The following CCDC85A variants were observed in gnomAD, a reference collection of about 807,000 sequenced individuals.
The protein encoded by CCDC85A is coiled-coil domain-containing protein 85A.
A neutral mutation model predicts 50.2 loss-of-function variants in CCDC85A; 38 were observed. That is an observed-to-expected ratio of 0.76 (90% CI 0.58 to 0.99). The LOEUF (loss-of-function observed/expected upper bound fraction) is 0.99, where lower values mean the gene tolerates loss of function less well. CCDC85A is among the 50% of genes least tolerant of loss of function. CCDC85A has a pLI of 0.00. For synonymous variants in CCDC85A, 366 were observed against 301.4 expected, an observed-to-expected ratio of 1.21 and a Z score of -2.22; for missense variants, 820 against 742.0, an observed-to-expected ratio of 1.11 and a Z score of -1.22.
chr2:56,302,495 A>G (rs1672256077), intron 2 of CCDC85A, among the ~76,000 whole-genome samples: 1 of 152,208 alleles, frequency 6.6e-6, no homozygotes, highest in African/African-American at 2.4e-5. Context: ...GTCACCTGAC[A>G]AAGACAGAAA....
chr2:56,250,792 A>G (rs2103991550), intron 2 of CCDC85A, among the ~76,000 whole-genome samples: 1 of 152,322 alleles, frequency 6.6e-6, no homozygotes, highest in Middle Eastern at 3.4e-3. Context: ...TCATTGCTAG[A>G]GTTGATCTAT....
At chr2:56,263,326 C>T (rs1670298263) in intron 2 of CCDC85A, among the ~76,000 whole-genome samples, 1 of 152,212 alleles carries the variant, frequency 6.6e-6, no homozygotes, top group African/African-American at 2.4e-5. Flanking sequence ...TTAAGAAATC[C>T]ATTCTTCTTT....
chr2:56,226,289 A>G lies in CCDC85A; in HGVS notation c.1240+32849A>G, dbSNP rs367814611. Reference sequence around the variant, plus strand: ...GGAGCATCACTCAATAATAGATGTTATGAGGGCAAGGACTGTATCTGTTTT... The same window carrying G: ...GGAGCATCACTCAATAATAGATGTTGTGAGGGCAAGGACTGTATCTGTTTT... On this transcript the variant is annotated intron_variant, in intron 2 of 5. Coordinates refer to ENST00000407595, the MANE Select transcript of CCDC85A (RefSeq NM_001080433.2). Among the ~76,000 whole-genome samples the G allele has an allele frequency of 1.5e-3, 233 of 152,318 alleles. 1 individual carries two copies. The highest frequency in any genetic ancestry group is 9.3e-3 in the South Asian group (45 of 4,826).
chr2:56,225,252 ATC>A (rs1456710931), intron 2 of CCDC85A, among the ~76,000 whole-genome samples: 1 of 152,080 alleles, frequency 6.6e-6, no homozygotes, highest in African/African-American at 2.4e-5. Context: ...GTGAAACCCC[ATC>A]TCTACTAAAA....
intron 3 of CCDC85A, among the ~76,000 whole-genome samples, chr2:56,364,315 A>G (rs1238586126): frequency 1.5e-5 from 2 of 133,848 alleles, no homozygotes; most frequent in Non-Finnish European, 3.4e-5. Flanking sequence ...TTCTGTAATT[A>G]TTACTTTTAT....
In CCDC85A at chr2:56,184,425, C is replaced by A. The variant is rs924309533; in HGVS notation, c.-200C>A. The A allele has an allele frequency of 1.8e-6, 1 of 560,144 alleles. No homozygotes were observed. Among genetic ancestry groups the A allele is most frequent in the African/African-American group, 2.0e-5 (1 of 50,590 alleles). 34.7% of individuals were successfully genotyped at this position (560,144 alleles called of 1,614,324 possible). On this transcript the variant is annotated 5_prime_UTR_variant, in exon 1 of 6. Transcript: ENST00000407595. ...GGCTGGCTGCCGGGCCCTGGGGGAG[C>A]GCGGGCGCGCGCGCGGGGATGGCGA...
At chr2:56,223,536 G>A (rs1054406120) in intron 2 of CCDC85A, among the ~76,000 whole-genome samples, 8 of 152,072 alleles carry the variant, frequency 5.3e-5, no homozygotes, top group African/African-American at 1.7e-4. Context: ...TAAAAATATA[G>A]ATTCGAATCA....
chr2:56,320,727 T>A (rs572527788), intron 2 of CCDC85A, among the ~76,000 whole-genome samples: 14 of 152,204 alleles, frequency 9.2e-5, no homozygotes, highest in East Asian at 3.9e-4. Context: ...AGGAGCTGGT[T>A]CCATTCCTTC....
At chr2:56,268,664 A>G (rs1670564126) in intron 2 of CCDC85A, among the ~76,000 whole-genome samples, 1 of 151,962 alleles carries the variant, frequency 6.6e-6, no homozygotes, top group South Asian at 2.1e-4. Context: ...ATCAGAAAAG[A>G]AATCACAAGA....
intron 2 of CCDC85A, among the ~76,000 whole-genome samples, chr2:56,306,138 C>T (rs1269834883): frequency 6.6e-6 from 1 of 151,656 alleles, no homozygotes; most frequent in Non-Finnish European, 1.5e-5. Flanking sequence ...GTATGAGATC[C>T]TTTTTTTTGA....
chr2:56,352,419 C>G (rs946554195), intron 3 of CCDC85A, among the ~76,000 whole-genome samples: 5 of 152,138 alleles, frequency 3.3e-5, no homozygotes, highest in Non-Finnish European at 7.3e-5. Flanking sequence ...GATCGCGGCT[C>G]ACTGCAATCT....
chr2:56,354,554 T>A (rs144630791), intron 3 of CCDC85A, among the ~76,000 whole-genome samples: 62 of 152,318 alleles, frequency 4.1e-4, no homozygotes, highest in African/African-American at 1.1e-3. Context: ...GTTGACATCA[T>A]GAAAGAATTG....
chr2:56,218,047 C>A (rs1668159746), intron 2 of CCDC85A, among the ~76,000 whole-genome samples: 1 of 151,792 alleles, frequency 6.6e-6, no homozygotes, highest in South Asian at 2.1e-4. Flanking sequence ...TCTGATACAA[C>A]ATCTTGTGTG....
At chr2:56,295,570 A>C (rs1372798644) in intron 2 of CCDC85A, among the ~76,000 whole-genome samples, 1 of 152,162 alleles carries the variant, frequency 6.6e-6, no homozygotes, top group Non-Finnish European at 1.5e-5. Flanking sequence ...AGAGCTGAGA[A>C]TAGGTGTGGG....
At chr2:56,266,421 A>G (rs770843907) in intron 2 of CCDC85A, among the ~76,000 whole-genome samples, 2 of 152,152 alleles carry the variant, frequency 1.3e-5, no homozygotes, top group African/African-American at 4.8e-5. Context: ...AGCAAACCAA[A>G]TAGCTAAAAC....
At chr2:56,376,350 T>C (rs1676337054) in intron 5 of CCDC85A, among the ~76,000 whole-genome samples, 1 of 152,192 alleles carries the variant, frequency 6.6e-6, no homozygotes, top group Admixed American at 6.5e-5. Flanking sequence ...GCAATTGAAG[T>C]ACATTATGCA....
intron 2 of CCDC85A, among the ~76,000 whole-genome samples, chr2:56,294,089 A>G (rs1236975643): frequency 1.3e-5 from 2 of 152,222 alleles, no homozygotes; most frequent in Non-Finnish European, 2.9e-5. Context: ...GGTAAAGAAA[A>G]TGGAATATTG....
intron 2 of CCDC85A, among the ~76,000 whole-genome samples, chr2:56,305,563 C>T (rs922656980): frequency 6.6e-6 from 1 of 152,220 alleles, no homozygotes. Flanking sequence ...GGCAAGGGCA[C>T]AGCCCATAGA....
chr2:56,379,211 C>T (rs1041419732), intron 5 of CCDC85A, among the ~76,000 whole-genome samples: 3 of 152,264 alleles, frequency 2.0e-5, no homozygotes, highest in Non-Finnish European at 4.4e-5. Context: ...GAGCCACCTC[C>T]ACATGCCTTT....
Sources: allele counts gnomAD v4.1 joint callset (sites outside exome capture counted in the v4.1 genomes callset), GRCh38; gene constraint gnomAD v4.1.1; transcripts MANE v1.5; gene names NCBI Gene and HGNC (gene_info 2026-07-23, HGNC 2026-07-21).